Variants in POU2F1 observed in about 807,000 individuals in gnomAD.
POU2F1 encodes the protein POU class 2 homeobox 1.
POU2F1 carries 16 observed loss-of-function variants against 84.9 expected under a neutral mutation model. The ratio of observed to expected loss-of-function variants is 0.19; its 90% CI spans 0.13 to 0.29. The LOEUF (loss-of-function observed/expected upper bound fraction) is 0.29. Among genes scored for constraint, POU2F1 ranks in the 10% least tolerant of loss-of-function variants. The pLI is 1.00. For missense variants in POU2F1, 738 were observed against 942.6 expected (o/e 0.78, Z 2.84); for synonymous variants, 368 against 368.3 (o/e 1.00, Z 0.01).
At position 167,332,524 on chromosome 1, in the gene POU2F1, A is replaced by G; in HGVS notation, c.116A>G (p.Asp39Gly). The G allele has an allele frequency of 1.2e-6, 2 of 1,604,708 alleles. No homozygotes were observed. The highest frequency in any genetic ancestry group is 4.5e-5 in the East Asian group (2 of 44,776). The change falls in exon 2 of 16, where the codon GAT becomes GGT. Residue 39 changes from aspartate to glycine, a missense_variant. Around this residue, in one of 4 missense-constraint regions of POU2F1, gnomAD observed 161 missense variants for 147.0 expected, o/e 1.10. Coordinates refer to ENST00000367866, the MANE Select transcript of POU2F1 (RefSeq NM_002697.4). ...AGTAAACCATCTATGGAGAGTGGAG[A>G]TGGCAACACAGGTAAGAGTTTTCTG... The part of the protein sequence containing the change: ...ETSKPSMESG[D>G]GNTGTQTNGL...
chr1:167,347,243 ATAT>A (rs1379091119), intron 2 of POU2F1, among the ~76,000 whole-genome samples: 1 of 152,266 alleles, frequency 6.6e-6, no homozygotes, highest in Non-Finnish European at 1.5e-5. Context: ...TTGAAGTAGT[ATAT>A]TATTTTCATT....
intron 1 of POU2F1, among the ~76,000 whole-genome samples, chr1:167,293,737 A>G (rs967537356): frequency 6.6e-6 from 1 of 152,216 alleles, no homozygotes; most frequent in Non-Finnish European, 1.5e-5. Context: ...CCAAAGCAAC[A>G]TGGTACTGGT....
rs41270708 is a variant in POU2F1 at position 167,303,470 on chromosome 1, A to G, written c.62-29000A>G. The stretch of plus-strand genomic sequence containing the variant: ...TTTGCCTTTTTCTCTTTTTGTGTTC[A>G]TAGACTGGAAAAGTAAGAAGAGCTT... On this transcript the variant is annotated intron_variant, in intron 1 of 15. Transcript: ENST00000367866. The G allele has an allele frequency of 3.6e-3, 562 of 154,398 alleles. 1 individual carries two copies. Among genetic ancestry groups the G allele is most frequent in the Non-Finnish European group, 6.3e-3 (429 of 68,166 alleles). The allele number at this position is 154,398 out of a possible 1,614,324, so 9.6% of individuals were successfully genotyped here. A position where few individuals can be genotyped will look rare whatever the true frequency, so the allele number is the denominator to read the frequency against.
At position 167,398,423 on chromosome 1, in the gene POU2F1, A is replaced by G. The variant is rs58957777; in HGVS notation, c.1269+290A>G. 0.069 allele frequency among the ~76,000 whole-genome samples: 10,483 copies of G among 152,160 alleles called. 1,159 individuals are homozygous for G. Among genetic ancestry groups the G allele is most frequent in the African/African-American group, 0.23 (9,732 of 41,432 alleles). On this transcript the variant is annotated intron_variant, in intron 11 of 15. Coordinates refer to ENST00000367866, the MANE Select transcript of POU2F1 (RefSeq NM_002697.4). ...CACAGACTAGAAAAGGTGGGGGGAA[A>G]GTACTTTAAGCAGAGGAAATGCATG...
At chr1:167,275,032 ATTTT>A (rs11413742) in intron 1 of POU2F1, among the ~76,000 whole-genome samples, 20 of 112,452 alleles carry the variant, frequency 1.8e-4, no homozygotes, top group Admixed American at 1.9e-4. Flanking sequence ...AAATAAATGT[ATTTT>A]TTTTTTTTTT....
At position 167,412,191 on chromosome 1, in the gene POU2F1, A is replaced by AGCT; in HGVS notation, c.1794_1796dup (p.Ala599dup). On this transcript the variant is annotated inframe_insertion, in exon 14 of 16. Transcript: ENST00000367866. ...CAGCATCAGGTTTGCAAACAGCAGC[A>AGCT]GCTGCTGCCCTTCAAGGAGCTGCAC... The AGCT allele has an allele frequency of 6.2e-7, 1 of 1,613,808 alleles. No individual in the cohort carries two copies. The highest frequency in any genetic ancestry group is 8.5e-7 in the Non-Finnish European group (1 of 1,179,828).
intron 2 of POU2F1, among the ~76,000 whole-genome samples, chr1:167,344,258 G>GGAGATCAGATGTGAATCAGA (rs1453284937): frequency 6.6e-6 from 1 of 152,118 alleles, no homozygotes; most frequent in African/African-American, 2.4e-5. Flanking sequence ...TAACAACCAT[G>GGAGATCAGATGTGAATCAGA]GAGATCAGAT....
At chr1:167,393,544 G>A (rs1188613173) in intron 9 of POU2F1, among the ~76,000 whole-genome samples, 1 of 151,716 alleles carries the variant, frequency 6.6e-6, no homozygotes, top group African/African-American at 2.4e-5. Context: ...CTTGGCTCTG[G>A]CTGGAGTGCA....
chr1:167,371,360 G>T lies in POU2F1; in HGVS notation c.283-557G>T, dbSNP rs547160263. 3.9e-5 allele frequency among the ~76,000 whole-genome samples: 6 copies of T among 152,320 alleles called. No individual in the cohort carries two copies. The East Asian group carries it at 1.2e-3, about 29-fold the overall frequency. ...AATCTATGCAGAATTTTAATGCTTT[G>T]CATAACCAGTTTTAATTACCGTAAA... On this transcript the variant is annotated intron_variant, in intron 4 of 15. Coordinates refer to ENST00000367866, the MANE Select transcript of POU2F1 (RefSeq NM_002697.4).
chr1:167,301,819 T>A (rs1272761915), intron 1 of POU2F1, among the ~76,000 whole-genome samples: 1 of 152,226 alleles, frequency 6.6e-6, no homozygotes, highest in Non-Finnish European at 1.5e-5. Flanking sequence ...TTTTTTGTTC[T>A]GTGTGCTTTT....
Position 167,329,089 on chromosome 1 carries a change from C to T in POU2F1, c.62-3381C>T, listed in dbSNP as rs1656900686. 3 of 1,272,268 alleles carry T rather than the reference C, an allele frequency of 2.4e-6. No individual in the cohort carries two copies. In the East Asian group the frequency reaches 1.1e-4, roughly 45 times the overall value. 78.8% of individuals were successfully genotyped at this position (1,272,268 alleles called of 1,614,324 possible). On this transcript the variant is annotated intron_variant, in intron 1 of 15. Coordinates refer to ENST00000367866, the MANE Select transcript of POU2F1 (RefSeq NM_002697.4). ...AGTTTCCTTATTCAGTTGAAGATTG[C>T]TATGGTGTAACAGAAGTTGTATTTT...
At chr1:167,341,912 C>T (rs557694472) in intron 2 of POU2F1, among the ~76,000 whole-genome samples, 1 of 152,070 alleles carries the variant, frequency 6.6e-6, no homozygotes, top group Non-Finnish European at 1.5e-5. Context: ...GATGATCTTC[C>T]CCTAGAGTTT....
Position 167,416,377 on chromosome 1 carries a change from G to GTAT in POU2F1, c.*575_*577dup, listed in dbSNP as rs887428615. The GTAT allele has an allele frequency of 5.2e-6, 1 of 193,650 alleles. No homozygotes were observed. Among genetic ancestry groups the GTAT allele is most frequent in the Admixed American group, 5.5e-5 (1 of 18,122 alleles). The allele number at this position is 193,650 out of a possible 1,614,324, so 12.0% of individuals were successfully genotyped here. ...ACAATTTAGGCAGGCCTGTATTACT[G>GTAT]TATTATTATTGTTGTTGTTGTTATT... On this transcript the variant is annotated 3_prime_UTR_variant, in exon 16 of 16. Coordinates refer to ENST00000367866, the MANE Select transcript of POU2F1 (RefSeq NM_002697.4).
chr1:167,355,301 TC>T (rs950113986), intron 2 of POU2F1, among the ~76,000 whole-genome samples: 2 of 152,128 alleles, frequency 1.3e-5, no homozygotes, highest in African/African-American at 4.8e-5. Context: ...CATCCCTTCC[TC>T]ACCTCTGTCA....
At chr1:167,365,040 T>C (rs114953476) in intron 2 of POU2F1, among the ~76,000 whole-genome samples, 49 of 152,316 alleles carry the variant, frequency 3.2e-4, no homozygotes, top group Middle Eastern at 3.4e-3. Context: ...GTGTTCAGAG[T>C]TAATAATAAG....
At chr1:167,413,558 A>G (rs1650116359) in intron 15 of POU2F1, among the ~76,000 whole-genome samples, 1 of 152,202 alleles carries the variant, frequency 6.6e-6, no homozygotes, top group African/African-American at 2.4e-5. Flanking sequence ...CCTGTAATGA[A>G]CAAACATTGG....
chr1:167,317,918 G>A (rs1017927678), intron 1 of POU2F1, among the ~76,000 whole-genome samples: 9 of 152,236 alleles, frequency 5.9e-5, no homozygotes, highest in Non-Finnish European at 1.3e-4. Flanking sequence ...CTTCTCGCAG[G>A]AGTCGGGATC....
intron 1 of POU2F1, chr1:167,241,270 T>C (rs1217977097): frequency 6.6e-6 from 1 of 152,238 alleles, no homozygotes; most frequent in Non-Finnish European, 1.5e-5. Context: ...GAATGATGTC[T>C]TCTGTCATAA....
At chr1:167,361,422 A>G (rs986512154) in intron 2 of POU2F1, among the ~76,000 whole-genome samples, 12 of 152,136 alleles carry the variant, frequency 7.9e-5, no homozygotes, top group Non-Finnish European at 4.4e-5. Context: ...TTCTGGTTCT[A>G]TTGTGATGAT....
Sources: allele counts gnomAD v4.1 joint callset (sites outside exome capture counted in the v4.1 genomes callset), GRCh38; gene constraint gnomAD v4.1.1; regional missense constraint gnomAD v4.1.1; transcripts MANE v1.5; gene names NCBI Gene and HGNC (gene_info 2026-07-23, HGNC 2026-07-21).